Variants in NHERF2 observed in about 807,000 individuals in gnomAD.
The protein encoded by NHERF2 is Na(+)/H(+) exchange regulatory cofactor NHE-RF2.
chr16:2,036,372 C>T, the NHERF2 span: 9 of 1,610,462 alleles, frequency 5.6e-6, no homozygotes, highest in African/African-American at 2.7e-5. Flanking sequence ...CTGCCACCTG[C>T]GAAAGGGACC....
the NHERF2 span, among the ~76,000 whole-genome samples, chr16:2,037,256 T>A: frequency 6.6e-6 from 1 of 152,166 alleles, no homozygotes; most frequent in Non-Finnish European, 1.5e-5. Context: ...CCCTCCAGTC[T>A]CTGCCTCCTC....
chr16:2,035,584 C>T, the NHERF2 span: 3 of 987,286 alleles, frequency 3.0e-6, no homozygotes, highest in Non-Finnish European at 3.6e-6. Context: ...CGGGCAGCCG[C>T]TGGCCACCGC....
chr16:2,033,430 C>T, the NHERF2 span: 1 of 1,531,038 alleles, frequency 6.5e-7, no homozygotes, highest in African/African-American at 1.4e-5. Flanking sequence ...GAGGCTGGTA[C>T]AGGTCAGGTG....
the NHERF2 span, chr16:2,029,730 C>T: frequency 4.8e-5 from 75 of 1,555,446 alleles, no homozygotes; most frequent in Admixed American, 9.1e-4. Context: ...CCCTGGGAGC[C>T]GAAGCCAGAC....
chr16:2,033,135 T>C, the NHERF2 span: 2 of 1,409,826 alleles, frequency 1.4e-6, no homozygotes, highest in East Asian at 5.3e-5. Context: ...GACGGAAGCC[T>C]AGCTGGGTGG....
At chr16:2,037,505 C>T in the NHERF2 span, 34 of 1,584,468 alleles carry the variant, frequency 2.1e-5, 1 homozygote, top group Middle Eastern at 3.3e-4. Context: ...TTGTGTGTGT[C>T]TGTGAAACCA....
chr16:2,034,872 G>A, the NHERF2 span, among the ~76,000 whole-genome samples: 1 of 152,266 alleles, frequency 6.6e-6, no homozygotes, highest in Non-Finnish European at 1.5e-5. Flanking sequence ...ATCCCTGAGG[G>A]GCACTTTGGT....
the NHERF2 span, chr16:2,035,304 G>A: frequency 1.4e-6 from 1 of 706,408 alleles, no homozygotes; most frequent in Non-Finnish European, 1.7e-6. Context: ...CGAGCTTGAA[G>A]GTGGGTGGCT....
chr16:2,035,620 C>A, the NHERF2 span: 1 of 986,526 alleles, frequency 1.0e-6, no homozygotes, highest in Non-Finnish European at 1.2e-6. Context: ...CACCCCCTGG[C>A]TGGGAGGTGG....
At chr16:2,031,206 G>A in the NHERF2 span, among the ~76,000 whole-genome samples, 4 of 152,236 alleles carry the variant, frequency 2.6e-5, no homozygotes, top group African/African-American at 9.6e-5. Context: ...AGGCCTGCCC[G>A]TGGGACCTGT....
chr16:2,034,930 G>T, the NHERF2 span, among the ~76,000 whole-genome samples: 1 of 152,262 alleles, frequency 6.6e-6, no homozygotes, highest in Non-Finnish European at 1.5e-5. Flanking sequence ...GTGCCACCAG[G>T]TGTGTCTGGG....
At chr16:2,026,906 A>G in the NHERF2 span, 2 of 324,792 alleles carry the variant, frequency 6.2e-6, no homozygotes, top group South Asian at 2.2e-4. Flanking sequence ...GGAGCCGAAC[A>G]GGAGCCGCCG....
the NHERF2 span, chr16:2,035,327 G>T: frequency 8.0e-6 from 7 of 872,610 alleles, no homozygotes; most frequent in East Asian, 7.2e-4. Flanking sequence ...AGGGGTTGGG[G>T]GTGTCTGAGG....
At chr16:2,029,022 C>G in the NHERF2 span, among the ~76,000 whole-genome samples, 1 of 152,168 alleles carries the variant, frequency 6.6e-6, no homozygotes, top group Non-Finnish European at 1.5e-5. Context: ...GGGAATGGGC[C>G]CATGGCCATG....
chr16:2,036,086 G>C, the NHERF2 span: 6 of 507,374 alleles, frequency 1.2e-5, no homozygotes, highest in Non-Finnish European at 2.1e-5. Context: ...CCAGCAACCC[G>C]GGAAGGCGGC....
chr16:2,027,116 G>A, the NHERF2 span: 3 of 1,467,656 alleles, frequency 2.0e-6, no homozygotes, highest in Non-Finnish European at 2.7e-6. Flanking sequence ...AGTTCATCCG[G>A]CGCGTGGAAC....
At chr16:2,036,520 G>C in the NHERF2 span, 1 of 1,567,122 alleles carries the variant, frequency 6.4e-7, no homozygotes, top group Admixed American at 1.9e-5. Context: ...GCCCACCAGG[G>C]CTGCGGGGTG....
chr16:2,031,449 T>C, the NHERF2 span, among the ~76,000 whole-genome samples: 1 of 152,204 alleles, frequency 6.6e-6, no homozygotes, highest in East Asian at 1.9e-4. Flanking sequence ...CACAAACGCA[T>C]GGTTCACCTT....
At chr16:2,026,960 C>T in the NHERF2 span, 2 of 850,744 alleles carry the variant, frequency 2.4e-6, no homozygotes, top group South Asian at 1.0e-4. Context: ...CGCCCCCGAG[C>T]TCCCCCGCGC....
Sources: gnomAD v4.1 joint callset for allele counts (sites outside exome capture counted in the v4.1 genomes callset) on GRCh38, gnomAD v4.1.1 for gene constraint, MANE v1.5 for transcripts, NCBI Gene and HGNC (gene_info 2026-07-23, HGNC 2026-07-21) for gene names.